Variants in ZFHX3 observed in about 807,000 individuals in gnomAD.
The protein encoded by ZFHX3 is zinc finger homeobox 3, also known as zinc finger homeobox protein 3.
Under a neutral mutation model 279.1 loss-of-function variants are expected in ZFHX3, and 42 were observed. That is an observed-to-expected ratio of 0.15 (90% confidence interval 0.12 to 0.19). The LOEUF (loss-of-function observed/expected upper bound fraction) is 0.19, where lower values mean the gene tolerates loss of function less well. Among genes scored for constraint, ZFHX3 ranks in the 10% least tolerant of loss-of-function variants. The pLI is 1.00. For synonymous variants in ZFHX3, 2,293 were observed against 1,957.8 expected, an observed-to-expected ratio of 1.17 and a Z score of -4.52; for missense variants, 4,981 against 4,754.0, an observed-to-expected ratio of 1.05 and a Z score of -1.40.
intron 3 of ZFHX3, among the ~76,000 whole-genome samples, chr16:73,388,286 G>A (rs1396004365): frequency 2.6e-5 from 4 of 152,118 alleles, no homozygotes; most frequent in East Asian, 3.9e-4. Flanking sequence ...TAAAGTCAGG[G>A]TGAAGAAAAG....
intron 1 of ZFHX3, among the ~76,000 whole-genome samples, chr16:73,864,090 G>A (rs1186760884): frequency 6.6e-6 from 1 of 152,120 alleles, no homozygotes; most frequent in East Asian, 1.9e-4. Context: ...CTTCTTTGGT[G>A]TGTGTTATCT....
At position 72,796,812 on chromosome 16, in the gene ZFHX3, A is replaced by G; in HGVS notation, c.5870T>C (p.Val1957Ala). The change falls in exon 9 of 10, where the codon GTC (valine) becomes GCC (alanine). Residue 1957 changes from valine to alanine, a missense_variant. Val to Ala is a moderately conservative substitution (Grantham distance 64). Around this residue, in one of 7 missense-constraint regions of ZFHX3, gnomAD observed 1,751 missense variants for 1,770.0 expected, o/e 0.99. Transcript: ENST00000268489. ...CTGCTTGTTCTCATTATACTGGATG[A>G]CCAACTCAAAGCCAAAGTTCTCCAG... ...ALLENFGFEL[V>A]IQYNENKQKV... The G allele has an allele frequency of 6.2e-7, 1 of 1,613,092 alleles. No individual in the cohort carries two copies. Among genetic ancestry groups the G allele is most frequent in the Non-Finnish European group, 8.5e-7 (1 of 1,179,830 alleles).
Position 73,390,495 on chromosome 16 carries a change from C to T in ZFHX3, c.-1291+65508G>A, listed in dbSNP as rs542000539. ...TTTGCACCGGTGGCTGGAGGCCTAG[C>T]GGGGATTCCACCGGAAATCTGGTTC... On this transcript the variant is annotated intron_variant, in intron 3 of 17. Transcript: ENST00000641206. Among the ~76,000 whole-genome samples the T allele has an allele frequency of 2.0e-4, 31 of 152,128 alleles. No individual in the cohort carries two copies. In the East Asian group the frequency reaches 3.3e-3, roughly 16 times the overall value.
intron 2 of ZFHX3, among the ~76,000 whole-genome samples, chr16:73,530,992 C>T (rs2019790620): frequency 6.6e-6 from 1 of 152,180 alleles, no homozygotes; most frequent in Non-Finnish European, 1.5e-5. Flanking sequence ...TTTTTATGCT[C>T]CTAACGGGAG....
chr16:73,149,918 C>T (rs1428084453), intron 5 of ZFHX3, among the ~76,000 whole-genome samples: 1 of 152,166 alleles, frequency 6.6e-6, no homozygotes, highest in African/African-American at 2.4e-5. Context: ...CCCAAGTTCT[C>T]AGATGCTTCC....
chr16:73,635,034 G>C (rs1002423185), intron 2 of ZFHX3, among the ~76,000 whole-genome samples: 4 of 152,110 alleles, frequency 2.6e-5, no homozygotes, highest in African/African-American at 9.6e-5. Flanking sequence ...ACAATGTGTC[G>C]AGTCATTTAT....
chr16:72,847,361 C>A (rs2037506561), intron 4 of ZFHX3, among the ~76,000 whole-genome samples: 1 of 152,156 alleles, frequency 6.6e-6, no homozygotes, highest in Admixed American at 6.5e-5. Flanking sequence ...GTGCCACCAC[C>A]CTGCAGTCTC....
At chr16:72,836,021 C>T (rs1159491164) in intron 4 of ZFHX3, among the ~76,000 whole-genome samples, 1 of 152,168 alleles carries the variant, frequency 6.6e-6, no homozygotes, top group Non-Finnish European at 1.5e-5. Flanking sequence ...AAATCCAGTG[C>T]GTTATAATTC....
intron 2 of ZFHX3, among the ~76,000 whole-genome samples, chr16:73,601,521 T>G (rs1179387033): frequency 6.6e-6 from 1 of 152,050 alleles, no homozygotes; most frequent in East Asian, 1.9e-4. Context: ...ATCATGTGGT[T>G]ACTTTTACTT....
chr16:73,234,153 C>T (rs963306386), intron 5 of ZFHX3, among the ~76,000 whole-genome samples: 1 of 151,982 alleles, frequency 6.6e-6, no homozygotes, highest in Admixed American at 6.6e-5. Context: ...TCAGAACAGG[C>T]GGAATGTTTG....
chr16:73,194,879 T>C (rs1968111083), intron 5 of ZFHX3, among the ~76,000 whole-genome samples: 1 of 152,220 alleles, frequency 6.6e-6, no homozygotes, highest in Admixed American at 6.5e-5. Flanking sequence ...AGTGGAAGTT[T>C]CCTTATTTTA....
Position 73,537,314 on chromosome 16 carries a change from CTTTTTT to C in ZFHX3, c.-1546-81062_-1546-81057del, listed in dbSNP as rs3051948. ...AATCTAAAGTCACTTCTTTCTTCTT[CTTTTTT>C]TTTTTTTTTTTTTTTTTTTTTAGTC... is the stretch of plus-strand genomic sequence containing the variant. On this transcript the variant is annotated intron_variant, in intron 2 of 17. Coordinates refer to the ZFHX3 transcript ENST00000641206. Among the ~76,000 whole-genome samples, 35 of 77,628 alleles carry C rather than the reference CTTTTTT, an allele frequency of 4.5e-4. 1 individual carries two copies. In the South Asian group the frequency reaches 0.017, roughly 37 times the overall value. 50.9% of individuals were successfully genotyped at this position (77,628 alleles called of 152,430 possible). A position where few individuals can be genotyped will look rare whatever the true frequency, so the allele number is the denominator to read the frequency against.
At chr16:73,280,925 T>C (rs2014439953) in intron 4 of ZFHX3, among the ~76,000 whole-genome samples, 1 of 150,660 alleles carries the variant, frequency 6.6e-6, no homozygotes, top group Non-Finnish European at 1.5e-5. Flanking sequence ...GTAGAGGTTG[T>C]GGTGAGCCAA....
chr16:73,571,761 T>C (rs1370325937), intron 2 of ZFHX3, among the ~76,000 whole-genome samples: 1 of 152,242 alleles, frequency 6.6e-6, no homozygotes, highest in African/African-American at 2.4e-5. Flanking sequence ...TCGAAATTCA[T>C]GACACAAATC....
intron 4 of ZFHX3, among the ~76,000 whole-genome samples, chr16:72,834,992 C>T (rs1450302819): frequency 6.6e-6 from 1 of 152,160 alleles, no homozygotes; most frequent in Admixed American, 6.5e-5. Flanking sequence ...CCAAACCTGA[C>T]AAAGCCCCCA....
chr16:73,433,715 GC>G (rs1211772157), intron 3 of ZFHX3, among the ~76,000 whole-genome samples: 1 of 152,132 alleles, frequency 6.6e-6, no homozygotes, highest in Non-Finnish European at 1.5e-5. Context: ...CGAGGCAGAC[GC>G]CCAGCCTGTA....
At chr16:73,717,685 C>T (rs1315613218) in intron 1 of ZFHX3, among the ~76,000 whole-genome samples, 1 of 152,154 alleles carries the variant, frequency 6.6e-6, no homozygotes, top group Non-Finnish European at 1.5e-5. Flanking sequence ...CCTCTCTCTT[C>T]CCCCCAGTTC....
At chr16:73,424,794 A>G (rs1180777228) in intron 3 of ZFHX3, among the ~76,000 whole-genome samples, 1 of 151,934 alleles carries the variant, frequency 6.6e-6, no homozygotes, top group African/African-American at 2.4e-5. Flanking sequence ...GAAAAGAAAA[A>G]AAAGAACTAG....
intron 5 of ZFHX3, among the ~76,000 whole-genome samples, chr16:73,239,193 A>T (rs543671582): frequency 6.6e-6 from 1 of 152,338 alleles, no homozygotes; most frequent in East Asian, 1.9e-4. Flanking sequence ...CAGGCCTCCA[A>T]AATAATCAAG....
Sources: gnomAD v4.1 joint callset for allele counts (sites outside exome capture counted in the v4.1 genomes callset) on GRCh38, gnomAD v4.1.1 for gene constraint, gnomAD v4.1.1 regional missense constraint, MANE v1.5 for transcripts, NCBI Gene and HGNC (gene_info 2026-07-23, HGNC 2026-07-21) for gene names.